TYR: variants seen among roughly 807,000 people sequenced by gnomAD.
TYR encodes tyrosinase.
A neutral mutation model predicts 51.5 loss-of-function variants in TYR; 58 were observed. The ratio of observed to expected loss-of-function variants is 1.13; its 90% CI spans 0.91 to 1.40. TYR has a LOEUF of 1.40. Ranked by LOEUF, TYR falls within the 40% of genes most tolerant of loss-of-function variation. The pLI, the probability that TYR is intolerant of heterozygous loss-of-function variation, is 0.00. For missense variants in TYR, 732 were observed against 647.4 expected (o/e 1.13, Z -1.42); for synonymous variants, 263 against 235.2 (o/e 1.12, Z -1.08).
Position 89,187,538 on chromosome 11 carries a change from G to A in TYR, c.820-3664G>A, listed in dbSNP as rs1178640115. Among the ~76,000 whole-genome samples the A allele has an allele frequency of 3.9e-5, 6 of 152,094 alleles. No homozygotes were observed. In the East Asian group the frequency reaches 1.2e-3, roughly 29 times the overall value. On this transcript the variant is annotated intron_variant, in intron 1 of 4. Transcript: ENST00000263321. ...GATGACAGGGGAAGATGACTAGAGT[G>A]CCTTTATGTGGGAATGGGTAGCCAG...
Position 89,295,425 on chromosome 11 carries a change from G to A in TYR, c.*59G>A. 6.5e-7 allele frequency: 1 copy of A among 1,543,812 alleles called. No homozygotes were observed. Among genetic ancestry groups the A allele is most frequent in the Non-Finnish European group, 8.8e-7 (1 of 1,131,284 alleles). On this transcript the variant is annotated 3_prime_UTR_variant, in exon 5 of 5. Transcript: ENST00000263321. ...TGACCTCACTCTAACTCAAAGTAAT[G>A]TCCAGGTTCCCAGAGAATATCTGCT...
intron 3 of TYR, among the ~76,000 whole-genome samples, chr11:89,253,933 T>G (rs777833080): frequency 6.6e-6 from 1 of 151,680 alleles, no homozygotes; most frequent in Non-Finnish European, 1.5e-5. Flanking sequence ...TTTTCTTTTC[T>G]CTTTCAGTAT....
chr11:89,246,266 T>G (rs1037475796), intron 3 of TYR, among the ~76,000 whole-genome samples: 19 of 152,212 alleles, frequency 1.2e-4, no homozygotes, highest in Admixed American at 1.3e-4. Context: ...GTCCTGGGTC[T>G]GCTTCATGCT....
At chr11:89,252,237 A>C (rs1003364925) in intron 3 of TYR, among the ~76,000 whole-genome samples, 4 of 151,868 alleles carry the variant, frequency 2.6e-5, no homozygotes, top group African/African-American at 7.2e-5. Context: ...AAAATATAAT[A>C]GGAAAATTTA....
intron 3 of TYR, among the ~76,000 whole-genome samples, chr11:89,235,284 G>A (rs1345104436): frequency 6.6e-6 from 1 of 152,126 alleles, no homozygotes; most frequent in Non-Finnish European, 1.5e-5. Context: ...GTAAACTAAA[G>A]ATAGAATCAT....
chr11:89,279,644 G>A (rs1944697698), intron 3 of TYR, among the ~76,000 whole-genome samples: 1 of 151,594 alleles, frequency 6.6e-6, no homozygotes, highest in Non-Finnish European at 1.5e-5. Flanking sequence ...TTTGTTATAG[G>A]AGTGTTGGCC....
In TYR at chr11:89,210,149, G is replaced by A. The variant is rs192623092; in HGVS notation, c.1037-17674G>A. Among the ~76,000 whole-genome samples, 19 of 152,260 alleles carry A rather than the reference G, an allele frequency of 1.2e-4. 1 individual carries two copies. The East Asian group carries it at 3.7e-3, about 29-fold the overall frequency. On this transcript the variant is annotated intron_variant, in intron 2 of 4. Transcript: ENST00000263321. ...AAGTTGACTGAAGTAGGCTTCAGAA[G>A]GTGGGTAATAACAAACATCTCCGAG...
At chr11:89,282,207 A>G (rs948576851) in intron 3 of TYR, among the ~76,000 whole-genome samples, 4 of 151,912 alleles carry the variant, frequency 2.6e-5, no homozygotes, top group African/African-American at 9.6e-5. Context: ...TTATTTATAA[A>G]TTGAACTATA....
chr11:89,236,376 T>G (rs1944114383), intron 3 of TYR, among the ~76,000 whole-genome samples: 1 of 152,168 alleles, frequency 6.6e-6, no homozygotes, highest in African/African-American at 2.4e-5. Flanking sequence ...TGTAGATATA[T>G]AGCTGTGAAA....
rs563996682 is a variant in TYR at position 89,275,930 on chromosome 11, T to C, written c.1185-8843T>C. Among the ~76,000 whole-genome samples, 15 of 152,024 alleles carry C rather than the reference T, an allele frequency of 9.9e-5. No individual in the cohort carries two copies. The South Asian group carries it at 1.5e-3, about 15-fold the overall frequency. The stretch of plus-strand genomic sequence containing the variant: ...AAACCTTCAGGCTGAACTTAAAATA[T>C]GTAGGAGACAACTTTCAGCTAAAGT... On this transcript the variant is annotated intron_variant, in intron 3 of 4. Transcript: ENST00000263321.
intron 1 of TYR, among the ~76,000 whole-genome samples, chr11:89,179,480 T>A (rs1333426109): frequency 6.6e-6 from 1 of 152,180 alleles, no homozygotes; most frequent in African/African-American, 2.4e-5. Flanking sequence ...CATGCTCTTA[T>A]CAGTCTTTCC....
At chr11:89,202,917 A>G (rs1943618717) in intron 2 of TYR, among the ~76,000 whole-genome samples, 1 of 152,156 alleles carries the variant, frequency 6.6e-6, no homozygotes, top group African/African-American at 2.4e-5. Flanking sequence ...TGTTTCTATG[A>G]AAAGATTTTT....
At chr11:89,232,025 A>T (rs1290035329) in intron 3 of TYR, among the ~76,000 whole-genome samples, 1 of 142,048 alleles carries the variant, frequency 7.0e-6, no homozygotes, top group Non-Finnish European at 1.5e-5. Flanking sequence ...TCTGTTGTAC[A>T]GCGTGATGAC....
intron 2 of TYR, among the ~76,000 whole-genome samples, chr11:89,208,862 A>C (rs1418021858): frequency 6.6e-6 from 1 of 152,184 alleles, no homozygotes; most frequent in Admixed American, 6.5e-5. Flanking sequence ...AAGATTTTCC[A>C]TATCAATCAA....
chr11:89,179,752 G>T (rs1307804998), intron 1 of TYR, among the ~76,000 whole-genome samples: 1 of 152,120 alleles, frequency 6.6e-6, no homozygotes, highest in East Asian at 1.9e-4. Context: ...TTACTATTTG[G>T]AATTGAATTC....
intron 3 of TYR, among the ~76,000 whole-genome samples, chr11:89,246,113 C>T (rs1944264984): frequency 6.6e-6 from 1 of 151,814 alleles, no homozygotes; most frequent in Non-Finnish European, 1.5e-5. Flanking sequence ...CAGGCACTAG[C>T]TTAGGAACTG....
intron 2 of TYR, among the ~76,000 whole-genome samples, chr11:89,201,873 G>A (rs1943602749): frequency 1.3e-5 from 2 of 152,178 alleles, no homozygotes; most frequent in African/African-American, 2.4e-5. Context: ...CATCTGGGAA[G>A]ACCTTATTAA....
chr11:89,278,926 C>A (rs1482881416), intron 3 of TYR, among the ~76,000 whole-genome samples: 1 of 151,662 alleles, frequency 6.6e-6, no homozygotes, highest in Non-Finnish European at 1.5e-5. Context: ...TCGAGGAGTA[C>A]TGCTCAGGTA....
rs183970645 is a variant in TYR at position 89,237,297 on chromosome 11, G to T, written c.1184+9327G>T. 1.4e-3 allele frequency among the ~76,000 whole-genome samples: 216 copies of T among 152,152 alleles called. 2 individuals carry two copies. The highest frequency in any genetic ancestry group is 5.1e-3 in the African/African-American group (210 of 41,532). ...ATTGCCCAGACCCATGTCATGGAGCGTTCCCCCCATTTTCTTCTAGCAGTT... is the reference window on the plus strand; with the variant it reads ...ATTGCCCAGACCCATGTCATGGAGCTTTCCCCCCATTTTCTTCTAGCAGTT... On this transcript the variant is annotated intron_variant, in intron 3 of 4. Coordinates refer to ENST00000263321, the MANE Select transcript of TYR (RefSeq NM_000372.5).
Sources: allele counts gnomAD v4.1 joint callset (sites outside exome capture counted in the v4.1 genomes callset), GRCh38; gene constraint gnomAD v4.1.1; transcripts MANE v1.5; gene names NCBI Gene and HGNC (gene_info 2026-07-23, HGNC 2026-07-21).